Variants in COL8A2 observed in about 807,000 individuals in gnomAD.
The protein encoded by COL8A2 is collagen type VIII alpha 2 chain.
In COL8A2, 16 loss-of-function variants were observed where a neutral mutation model predicts 24.0. The ratio of observed to expected loss-of-function variants is 0.67; its 90% CI spans 0.45 to 1.01. The LOEUF is 1.01. COL8A2 is among the 50% of genes least tolerant of loss of function. The pLI is 0.00. For missense variants in COL8A2, 818 were observed against 942.4 expected (o/e 0.87, Z 1.73); for synonymous variants, 466 against 424.5 (o/e 1.10, Z -1.20).
rs182626864 is a variant in COL8A2 at position 36,097,444 on chromosome 1, C to T, written c.*125G>A. On this transcript the variant is annotated 3_prime_UTR_variant, in exon 4 of 4. Transcript: ENST00000397799. Reference sequence around the variant, plus strand: ...CAGGGAGAAAGCAAGTTAGTCTCCTCGGGCCAAGGCCACGGCCGCCTCTGT... The same window carrying T: ...CAGGGAGAAAGCAAGTTAGTCTCCTTGGGCCAAGGCCACGGCCGCCTCTGT... 976 of 794,146 alleles carry T rather than the reference C, an allele frequency of 1.2e-3. No individual in the cohort carries two copies. The highest frequency in any genetic ancestry group is 1.9e-3 in the Admixed American group (82 of 42,906). 49.2% of individuals were successfully genotyped at this position (794,146 alleles called of 1,614,324 possible). A position where few individuals can be genotyped will look rare whatever the true frequency, so the allele number is the denominator to read the frequency against.
rs368822181 is a variant in COL8A2, at chr1:36,100,166, G to T, written c.77C>A (p.Ala26Glu). The T allele has an allele frequency of 1.2e-6, 2 of 1,610,970 alleles. No homozygotes were observed. The highest frequency in any genetic ancestry group is 1.7e-6 in the Non-Finnish European group (2 of 1,178,952). ...LVLVLGCGPR[A>E]SSGGGAGGAA... Reference sequence around the variant, plus strand: ...CCCACCGGCCCCGCCACCAGAGGACGCCCGCGGCCCACACCCCAGCACCAG... The same window carrying T: ...CCCACCGGCCCCGCCACCAGAGGACTCCCGCGGCCCACACCCCAGCACCAG... Residue 26 changes from alanine (A) to glutamate (E), a missense_variant, in exon 3 of 4, where the codon GCG becomes GAG. Physicochemically the swap from Ala to Glu is moderately radical, Grantham distance 107 (BLOSUM62 -1). Around this residue, in one of 3 missense-constraint regions of COL8A2, gnomAD observed 573 missense variants for 616.8 expected, o/e 0.93. Coordinates refer to ENST00000397799, the MANE Select transcript of COL8A2 (RefSeq NM_005202.4).
At chr1:36,118,068 G>C (rs901150087) in intron 1 of COL8A2, among the ~76,000 whole-genome samples, 1 of 152,104 alleles carries the variant, frequency 6.6e-6, no homozygotes, top group Non-Finnish European at 1.5e-5. Flanking sequence ...TAAGAACAAC[G>C]GTGTCTGCAT....
chr1:36,108,766 A>G (rs1643797673), intron 2 of COL8A2, among the ~76,000 whole-genome samples: 1 of 152,078 alleles, frequency 6.6e-6, no homozygotes, highest in Admixed American at 6.6e-5. Context: ...AATTGGCAAG[A>G]AGCAGACCCC....
chr1:36,113,674 C>T (rs1474759062), intron 2 of COL8A2, among the ~76,000 whole-genome samples: 1 of 152,222 alleles, frequency 6.6e-6, no homozygotes, highest in Non-Finnish European at 1.5e-5. Flanking sequence ...GCAGGACTGC[C>T]TGGGGGCCAC....
intron 2 of COL8A2, among the ~76,000 whole-genome samples, chr1:36,109,987 T>TGGC (rs1460395310): frequency 7.0e-6 from 1 of 143,208 alleles, no homozygotes; most frequent in East Asian, 2.1e-4. Context: ...TGGAGTGCAG[T>TGGC]GGCGCGATCT....
intron 2 of COL8A2, among the ~76,000 whole-genome samples, chr1:36,105,443 C>G (rs1643743666): frequency 6.6e-6 from 1 of 152,226 alleles, no homozygotes; most frequent in African/African-American, 2.4e-5. Context: ...CTGTAAGAGT[C>G]TAAGTGTCAG....
intron 1 of COL8A2, among the ~76,000 whole-genome samples, 190 bp downstream of exon 1, chr1:36,124,867 G>C (rs902927148): frequency 6.6e-6 from 1 of 152,046 alleles, no homozygotes; most frequent in Non-Finnish European, 1.5e-5. Flanking sequence ...GGGAGGGAAC[G>C]GGGCACAGGG....
rs1267849376 is a variant in COL8A2 at position 36,113,049 on chromosome 1, G to C, written c.-17+2659C>G. Reference sequence around the variant, plus strand: ...AGTAGAATGTGGACCAGTTAGGAAGGAGGGGGTAGAGAGATGGATGTTGAG... The same window carrying C: ...AGTAGAATGTGGACCAGTTAGGAAGCAGGGGGTAGAGAGATGGATGTTGAG... On this transcript the variant is annotated intron_variant, in intron 2 of 3. Coordinates refer to ENST00000397799, the MANE Select transcript of COL8A2 (RefSeq NM_005202.4). Among the ~76,000 whole-genome samples, 3 of 152,210 alleles carry C rather than the reference G, an allele frequency of 2.0e-5. No homozygotes were observed. In the East Asian group the frequency reaches 5.8e-4, roughly 29 times the overall value.
intron 2 of COL8A2, among the ~76,000 whole-genome samples, chr1:36,105,862 T>C (rs1643751503): frequency 6.7e-6 from 1 of 150,112 alleles, no homozygotes; most frequent in Non-Finnish European, 1.5e-5. Context: ...GGCAGGAAGA[T>C]CACTTGAGCC....
At position 36,097,381 on chromosome 1, in the gene COL8A2, C is replaced by G. The variant is rs1306592118; in HGVS notation, c.*188G>C. 2 of 607,944 alleles carry G rather than the reference C, an allele frequency of 3.3e-6. No homozygotes were observed. The highest frequency in any genetic ancestry group is 4.5e-4 in the Middle Eastern group (1 of 2,228). 37.7% of individuals were successfully genotyped at this position (607,944 alleles called of 1,614,324 possible). A position where few individuals can be genotyped will look rare whatever the true frequency, so the allele number is the denominator to read the frequency against. On this transcript the variant is annotated 3_prime_UTR_variant, in exon 4 of 4. Transcript: ENST00000397799. ...CACAGACATTTGGGGGAAAGAAACTCAGGCCAGCCCCTTCCAGAAACAATC... is the reference window on the plus strand; with the variant it reads ...CACAGACATTTGGGGGAAAGAAACTGAGGCCAGCCCCTTCCAGAAACAATC...
rs530106218 is a variant in COL8A2, at chr1:36,107,712, T to C, written c.-16-7454A>G. ...GAAACCGGCAGCCCAGGGACGACGGTTTGCCCCCACCCCAGCACCATCAGA... is the reference window on the plus strand; with the variant it reads ...GAAACCGGCAGCCCAGGGACGACGGCTTGCCCCCACCCCAGCACCATCAGA... On this transcript the variant is annotated intron_variant, in intron 2 of 3. Coordinates refer to ENST00000397799, the MANE Select transcript of COL8A2 (RefSeq NM_005202.4). Among the ~76,000 whole-genome samples the C allele has an allele frequency of 2.6e-5, 4 of 151,968 alleles. No homozygotes were observed. The East Asian group carries it at 7.8e-4, about 30-fold the overall frequency.
intron 2 of COL8A2, among the ~76,000 whole-genome samples, chr1:36,101,892 A>G (rs1188740452): frequency 6.6e-6 from 1 of 151,720 alleles, no homozygotes; most frequent in African/African-American, 2.4e-5. Flanking sequence ...ATATATCTAT[A>G]AATAGGCTAA....
chr1:36,120,332 A>G (rs971659607), intron 1 of COL8A2, among the ~76,000 whole-genome samples: 19 of 152,008 alleles, frequency 1.2e-4, no homozygotes, highest in African/African-American at 4.6e-4. Context: ...ACACATCTGT[A>G]ATCCCAGCTA....
intron 2 of COL8A2, among the ~76,000 whole-genome samples, chr1:36,101,056 GC>G (rs1643673439): frequency 6.6e-6 from 1 of 152,016 alleles, no homozygotes; most frequent in African/African-American, 2.4e-5. Flanking sequence ...ACCACGCCTG[GC>G]TAATTCTTGT....
intron 2 of COL8A2, among the ~76,000 whole-genome samples, chr1:36,104,984 G>A (rs1643734348): frequency 6.6e-6 from 1 of 152,018 alleles, no homozygotes; most frequent in Non-Finnish European, 1.5e-5. Context: ...CCTGCTCTGG[G>A]TTCCCCTCAC....
intron 2 of COL8A2, among the ~76,000 whole-genome samples, chr1:36,107,620 A>G (rs1211223701): frequency 1.3e-5 from 2 of 152,158 alleles, no homozygotes; most frequent in Non-Finnish European, 2.9e-5. Context: ...CACTGGCCAC[A>G]GCGGTGAGAA....
intron 2 of COL8A2, among the ~76,000 whole-genome samples, chr1:36,105,495 G>A (rs916032054): frequency 5.9e-5 from 9 of 152,226 alleles, no homozygotes; most frequent in African/African-American, 2.2e-4. Context: ...CAGGCTGCCC[G>A]CCTCACCTTG....
Position 36,098,117 on chromosome 1 carries a change from C to A in COL8A2, c.1564G>T (p.Gly522Trp). The change falls in exon 4 of 4, where the codon GGG becomes TGG. Residue 522 changes from glycine (G) to tryptophan (W), a missense_variant. Gly to Trp is a radical substitution (Grantham distance 184). Transcript: ENST00000397799. ...GGGGGTCCCGGGGGCCCGGGAGGCC[C>A]CGGAGGGCCCGTGATTCCAGGGGAG... is the stretch of plus-strand genomic sequence containing the variant. ...PGSPGITGPP[G>W]PPGPPGPPGA... 6.7e-7 allele frequency: 1 copy of A among 1,498,884 alleles called. No homozygotes were observed. 92.8% of individuals were successfully genotyped at this position (1,498,884 alleles called of 1,614,324 possible). A position where few individuals can be genotyped will look rare whatever the true frequency, so the allele number is the denominator to read the frequency against.
chr1:36,103,473 C>A (rs1092584), intron 2 of COL8A2, among the ~76,000 whole-genome samples: 136,623 of 151,930 alleles, frequency 0.9, 61,531 homozygotes, highest in Middle Eastern at 0.93. Flanking sequence ...GGGGGTTTCA[C>A]TGTGTTAGCC....
Sources: gnomAD v4.1 joint callset for allele counts (sites outside exome capture counted in the v4.1 genomes callset) on GRCh38, gnomAD v4.1.1 for gene constraint, gnomAD v4.1.1 regional missense constraint, MANE v1.5 for transcripts, NCBI Gene and HGNC (gene_info 2026-07-23, HGNC 2026-07-21) for gene names.